Variants in KCNQ2 observed in about 807,000 individuals in gnomAD.
The protein encoded by KCNQ2 is potassium voltage-gated channel subfamily Q member 2, also known as potassium voltage-gated channel subfamily KQT member 2.
In KCNQ2, 14 loss-of-function variants were observed where a neutral mutation model predicts 84.8. The ratio of observed to expected loss-of-function variants is 0.17; its 90% CI spans 0.11 to 0.26. KCNQ2 has a LOEUF of 0.26. Among genes scored for constraint, KCNQ2 ranks in the 10% least tolerant of loss-of-function variants. The pLI is 1.00. For synonymous variants in KCNQ2, 599 were observed against 554.1 expected, an observed-to-expected ratio of 1.08 and a Z score of -1.14; for missense variants, 788 against 1,254.0, an observed-to-expected ratio of 0.63 and a Z score of 5.61.
intron 7 of KCNQ2, among the ~76,000 whole-genome samples, chr20:63,435,243 C>A (rs2080957672): frequency 6.6e-6 from 1 of 152,080 alleles, no homozygotes; most frequent in Non-Finnish European, 1.5e-5. Flanking sequence ...AAAAAATTAG[C>A]CAGATATGGT....
Position 63,442,701 on chromosome 20 carries a change from T to TCAC in KCNQ2, c.691-173_691-171dup, listed in dbSNP as rs1455961784. On this transcript the variant is annotated intron_variant, in intron 4 of 16. Coordinates refer to ENST00000359125, the MANE Select transcript of KCNQ2 (RefSeq NM_172107.4). ...ACCACCACCATCACCATCACCACCA[T>TCAC]CACCATCACCACCACCACCACCATC... 2.1e-4 allele frequency among the ~76,000 whole-genome samples: 10 copies of TCAC among 48,122 alleles called. 1 individual carries two copies. In the East Asian group the frequency reaches 2.2e-3, roughly 11 times the overall value. The allele number at this position is 48,122 out of a possible 152,430, so 31.6% of individuals were successfully genotyped here. A position where few individuals can be genotyped will look rare whatever the true frequency, so the allele number is the denominator to read the frequency against.
At chr20:63,420,894 G>A (rs959879331) in intron 11 of KCNQ2, among the ~76,000 whole-genome samples, 3 of 152,182 alleles carry the variant, frequency 2.0e-5, no homozygotes, top group Non-Finnish European at 4.4e-5. Flanking sequence ...AACCACGAAC[G>A]CGACGGTGGG....
intron 4 of KCNQ2, among the ~76,000 whole-genome samples, 183 bp from the exon 5 acceptor site, chr20:63,442,714 C>A (rs2081215036): frequency 9.1e-6 from 1 of 110,312 alleles, no homozygotes; most frequent in Non-Finnish European, 1.9e-5. Flanking sequence ...CCATCACCAC[C>A]ACCACCACCA....
At chr20:63,431,962 ACAGGGAAGGCCCCACCCG>A (rs1162900096) in intron 8 of KCNQ2, among the ~76,000 whole-genome samples, 2 of 129,144 alleles carry the variant, frequency 1.5e-5, no homozygotes, top group African/African-American at 3.0e-5. Flanking sequence ...GGATCCACCC[ACAGGGAAGGCCCCACCCG>A]CAGGGAAGGC....
chr20:63,442,962 C>T (rs1004517625), intron 4 of KCNQ2, among the ~76,000 whole-genome samples: 7 of 74,012 alleles, frequency 9.5e-5, no homozygotes, highest in Admixed American at 1.2e-4. Flanking sequence ...ATCACCATCA[C>T]CACCACCACC....
intron 4 of KCNQ2, among the ~76,000 whole-genome samples, chr20:63,442,881 CCACCACCAT>C (rs2081243425): frequency 2.0e-5 from 1 of 49,716 alleles, no homozygotes; most frequent in Non-Finnish European, 4.4e-5. Context: ...ACCATTATCA[CCACCACCAT>C]CACCACCATC....
At chr20:63,443,424 TCATCACCATCACCATCACCAC>T (rs2081313860) in intron 4 of KCNQ2, among the ~76,000 whole-genome samples, 1 of 36,620 alleles carries the variant, frequency 2.7e-5, no homozygotes, top group African/African-American at 7.1e-5. Flanking sequence ...ATCACCACCA[TCATCACCATCACCATCACCAC>T]CACCATCACC....
At chr20:63,411,531 C>T (rs1173857466) in intron 15 of KCNQ2, among the ~76,000 whole-genome samples, 2 of 152,222 alleles carry the variant, frequency 1.3e-5, no homozygotes, top group Non-Finnish European at 2.9e-5. Context: ...GAGCCCCCGG[C>T]TTCCCCAGGG....
At chr20:63,424,403 A>AC (rs2080568147) in intron 10 of KCNQ2, 197 bp from the exon 11 acceptor site, 1 of 621,110 alleles carries the variant, frequency 1.6e-6, no homozygotes, top group South Asian at 2.0e-5. Flanking sequence ...CCCAGGGCCC[A>AC]CGGAGGCAGC....
intron 1 of KCNQ2, chr20:63,459,430 C>G (rs569577298): frequency 6.6e-6 from 1 of 152,188 alleles, no homozygotes; most frequent in African/African-American, 2.4e-5. Flanking sequence ...GAGGATGGCT[C>G]GAGTCCAGGA....
intron 1 of KCNQ2, among the ~76,000 whole-genome samples, chr20:63,456,155 G>A (rs1359973454): frequency 3.0e-5 from 4 of 132,018 alleles, no homozygotes; most frequent in African/African-American, 5.9e-5. Flanking sequence ...CCCCACCTCC[G>A]GGAGACCCCT....
chr20:63,434,015 G>T, intron 7 of KCNQ2, 112 bp from the exon 8 acceptor site: 1 of 864,974 alleles, frequency 1.2e-6, no homozygotes, highest in Non-Finnish European at 1.9e-6. Context: ...TGTAGGCCAG[G>T]CACTCAGGAC....
rs753219086 is a variant in KCNQ2 at position 63,408,386 on chromosome 20, G to A, written c.1887+27C>T. On this transcript the variant is annotated intron_variant, in intron 16 of 16. Coordinates refer to ENST00000359125, the MANE Select transcript of KCNQ2 (RefSeq NM_172107.4). The surrounding 1 kb of genome is among the most constrained non-coding windows in gnomAD (Gnocchi z 5.0). ...GCAGGCACCACAGCCCTCCAGCCCC[G>A]CACCCCTCCCGCCCAGCCTCTCGCA... 1.3e-5 allele frequency: 21 copies of A among 1,600,356 alleles called. No homozygotes were observed. Among genetic ancestry groups the A allele is most frequent in the Middle Eastern group, 1.8e-4 (1 of 5,436 alleles).
At chr20:63,435,883 G>A (rs868316885) in intron 7 of KCNQ2, among the ~76,000 whole-genome samples, 1 of 36,272 alleles carries the variant, frequency 2.8e-5, no homozygotes, top group South Asian at 2.4e-3. Flanking sequence ...TCGCCACACT[G>A]GCTCATCTCT....
chr20:63,414,767 A>G lies in KCNQ2; in HGVS notation c.1525+136T>C. ...TTTAGGTTGCACAAGTCTCACCTCA[A>G]TTTTAGAAAGGATAGGGGGTTCCCA... is the stretch of plus-strand genomic sequence containing the variant. On this transcript the variant is annotated intron_variant, in intron 13 of 16. Transcript: ENST00000359125. This position sits in a 1 kb window ranked among gnomAD's most constrained non-coding sequence, Gnocchi z 6.6. 1.2e-6 allele frequency: 1 copy of G among 832,826 alleles called. No individual in the cohort carries two copies. The highest frequency in any genetic ancestry group is 2.0e-6 in the Non-Finnish European group (1 of 494,478). The allele number at this position is 832,826 out of a possible 1,614,324, so 51.6% of individuals were successfully genotyped here.
chr20:63,407,005 G>T lies in KCNQ2; in HGVS notation c.2258C>A (p.Ser753Tyr). ...GGCGCGGTTGCCCCCGCCGTAGGCG[G>T]ACAGCGACCGCTCGTGGGCAGGCGG... ...PPPPAHERSLSAYGGGNRASM... is the reference protein window; with the variant it reads ...PPPPAHERSLYAYGGGNRASM... Residue 753 changes from serine to tyrosine, a missense_variant, in exon 17 of 17, where the codon TCC becomes TAC. Transcript: ENST00000359125. The surrounding 1 kb of genome is among the most constrained non-coding windows in gnomAD (Gnocchi z 7.2). 6.5e-7 allele frequency: 1 copy of T among 1,536,146 alleles called. No homozygotes were observed. Among genetic ancestry groups the T allele is most frequent in the Non-Finnish European group, 8.7e-7 (1 of 1,144,040 alleles).
At chr20:63,417,835 C>T (rs1032913045) in intron 12 of KCNQ2, among the ~76,000 whole-genome samples, 5 of 152,308 alleles carry the variant, frequency 3.3e-5, no homozygotes, top group African/African-American at 1.2e-4. Context: ...GGCAGACACA[C>T]CCTGCTGGAC....
chr20:63,468,479 CCA>C (rs1045246455), intron 1 of KCNQ2, among the ~76,000 whole-genome samples: 12 of 152,248 alleles, frequency 7.9e-5, no homozygotes, highest in Non-Finnish European at 1.6e-4. Flanking sequence ...CACACCAGCC[CCA>C]GAGCTGAATG....
chr20:63,412,499 G>A (rs1480271989), intron 15 of KCNQ2, among the ~76,000 whole-genome samples: 1 of 152,208 alleles, frequency 6.6e-6, no homozygotes, highest in African/African-American at 2.4e-5. Context: ...GAAGGGGATG[G>A]CTCAGTGGCC....
Sources: allele counts gnomAD v4.1 joint callset (sites outside exome capture counted in the v4.1 genomes callset), GRCh38; gene constraint gnomAD v4.1.1; non-coding constraint Gnocchi (gnomAD v3.1); transcripts MANE v1.5; gene names NCBI Gene and HGNC (gene_info 2026-07-23, HGNC 2026-07-21).